EPCIP: variants seen among roughly 807,000 people sequenced by gnomAD.
The protein encoded by EPCIP is exosomal polycystin 1 interacting protein.
the EPCIP span, among the ~76,000 whole-genome samples, chr21:32,793,159 G>A: frequency 6.6e-6 from 1 of 152,024 alleles, no homozygotes; most frequent in African/African-American, 2.4e-5. Context: ...GTTTCTCCAT[G>A]TTGGTCAGGC....
chr21:32,809,666 T>C, the EPCIP span, among the ~76,000 whole-genome samples: 5 of 152,114 alleles, frequency 3.3e-5, no homozygotes, highest in South Asian at 2.1e-4. Flanking sequence ...CCTGCCCCCA[T>C]TGTGTTTTCT....
chr21:32,798,098 G>A, the EPCIP span: 6 of 152,364 alleles, frequency 3.9e-5, no homozygotes, highest in East Asian at 1.2e-3. Flanking sequence ...ACTTTGGGAG[G>A]CTGAGGTAGG....
chr21:32,796,846 C>T, the EPCIP span: 2 of 375,912 alleles, frequency 5.3e-6, no homozygotes, highest in South Asian at 2.1e-5. Flanking sequence ...TACTGTTGGC[C>T]CACCCTGACC....
At chr21:32,806,972 T>C in the EPCIP span, among the ~76,000 whole-genome samples, 1 of 151,614 alleles carries the variant, frequency 6.6e-6, no homozygotes, top group Non-Finnish European at 1.5e-5. Flanking sequence ...AAGAGAAGAG[T>C]GAGAGCCAAG....
At chr21:32,793,658 C>T in the EPCIP span, 2 of 1,008,370 alleles carry the variant, frequency 2.0e-6, no homozygotes, top group South Asian at 2.6e-5. Flanking sequence ...GAGAGAGGCA[C>T]AGTTGTGGGT....
chr21:32,808,093 C>T, the EPCIP span, among the ~76,000 whole-genome samples: 498 of 152,322 alleles, frequency 3.3e-3, 5 homozygotes, highest in African/African-American at 0.01. Flanking sequence ...GTGAGCATCA[C>T]GAAGCCATTC....
the EPCIP span, among the ~76,000 whole-genome samples, chr21:32,796,550 C>T: frequency 7.9e-5 from 12 of 152,252 alleles, no homozygotes; most frequent in South Asian, 1.7e-3. Flanking sequence ...GAAGTTGGCA[C>T]AGGATTTTCT....
chr21:32,792,991 C>T, the EPCIP span, among the ~76,000 whole-genome samples: 3 of 151,396 alleles, frequency 2.0e-5, no homozygotes, highest in African/African-American at 7.3e-5. Context: ...CTGACTCTGT[C>T]ACCCAGGCTG....
chr21:32,800,184 T>C, the EPCIP span, among the ~76,000 whole-genome samples: 1 of 152,224 alleles, frequency 6.6e-6, no homozygotes, highest in Non-Finnish European at 1.5e-5. Flanking sequence ...ACACAATATC[T>C]CCTTACTAGT....
the EPCIP span, among the ~76,000 whole-genome samples, chr21:32,807,938 A>G: frequency 6.6e-6 from 1 of 152,212 alleles, no homozygotes; most frequent in Non-Finnish European, 1.5e-5. Flanking sequence ...ATGAGGAGGA[A>G]GCGTGAAATA....
chr21:32,795,083 A>G, the EPCIP span, among the ~76,000 whole-genome samples: 1 of 152,166 alleles, frequency 6.6e-6, no homozygotes, highest in Non-Finnish European at 1.5e-5. Context: ...CCACCATATT[A>G]ATCTGTTTGT....
At chr21:32,795,851 T>C in the EPCIP span, among the ~76,000 whole-genome samples, 1 of 152,204 alleles carries the variant, frequency 6.6e-6, no homozygotes, top group East Asian at 1.9e-4. Flanking sequence ...AGGATAGAAG[T>C]AAGCTCTGCC....
At chr21:32,798,465 C>A in the EPCIP span, 1 of 152,208 alleles carries the variant, frequency 6.6e-6, no homozygotes, top group Non-Finnish European at 1.5e-5. Flanking sequence ...ATGACCTAAC[C>A]CCAATTCTTA....
At chr21:32,809,312 C>CTTTCTTTCTTTCTTTCTTTCTTTCTTTCT in the EPCIP span, among the ~76,000 whole-genome samples, 9 of 132,230 alleles carry the variant, frequency 6.8e-5, no homozygotes, top group African/African-American at 2.5e-4. Context: ...TTCTTTCTTT[C>CTTTCTTTCTTTCTTTCTTTCTTTCTTTCT]TTTCTTTCTT....
the EPCIP span, among the ~76,000 whole-genome samples, chr21:32,811,035 A>G: frequency 1.3e-5 from 2 of 152,222 alleles, no homozygotes; most frequent in Non-Finnish European, 2.9e-5. Context: ...AGTAAGATCT[A>G]ATGAGTGTTT....
At chr21:32,795,204 C>G in the EPCIP span, among the ~76,000 whole-genome samples, 3 of 152,172 alleles carry the variant, frequency 2.0e-5, no homozygotes, top group Non-Finnish European at 4.4e-5. Flanking sequence ...TTTGACTTAG[C>G]TACTCTTATG....
chr21:32,812,572 A>G, the EPCIP span, among the ~76,000 whole-genome samples: 3 of 152,214 alleles, frequency 2.0e-5, no homozygotes, highest in Non-Finnish European at 2.9e-5. Flanking sequence ...GTCAGAAAAA[A>G]AAGTAATGAA....
chr21:32,797,335 GC>G, the EPCIP span: 1 of 203,548 alleles, frequency 4.9e-6, no homozygotes, highest in Non-Finnish European at 1.0e-5. Context: ...TGCAAGCTCT[GC>G]CTCCCAGGTT....
At chr21:32,797,818 A>C in the EPCIP span, 3 of 152,242 alleles carry the variant, frequency 2.0e-5, no homozygotes, top group Non-Finnish European at 4.4e-5. Context: ...CTTATTTGAA[A>C]AATTAAGGAA....
Sources: gnomAD v4.1 joint callset for allele counts (sites outside exome capture counted in the v4.1 genomes callset) on GRCh38, gnomAD v4.1.1 for gene constraint, MANE v1.5 for transcripts, NCBI Gene and HGNC (gene_info 2026-07-23, HGNC 2026-07-21) for gene names.